Variants in TMEM135 observed in about 807,000 individuals in gnomAD.
TMEM135 encodes the protein peroxisomal membrane protein 52.
A neutral mutation model predicts 60.3 loss-of-function variants in TMEM135; 30 were observed. The observed-to-expected ratio is 0.50, with a 90% CI of 0.37 to 0.68. TMEM135 has a LOEUF of 0.68. Ranked by LOEUF, TMEM135 falls within the 30% of genes least tolerant of loss-of-function variation. The probability of loss-of-function intolerance (pLI) is 0.00; values close to 1 mark genes in which losing one functional copy is unlikely to be tolerated. For missense variants in TMEM135, 468 were observed against 548.8 expected (o/e 0.85, Z 1.47); for synonymous variants, 190 against 186.7 (o/e 1.02, Z -0.14).
Position 87,038,117 on chromosome 11 carries a change from G to C in TMEM135, c.72G>C (p.Arg24=). 6.2e-7 allele frequency: 1 copy of C among 1,614,126 alleles called. No homozygotes were observed. Among genetic ancestry groups the C allele is most frequent in the Non-Finnish European group, 8.5e-7 (1 of 1,180,018 alleles). ...GCCACACTTGGCACCCTTCCTGCCGGGTCTCCTTCCTGCAGATCACCGGGG... is the reference window on the plus strand; with the variant it reads ...GCCACACTTGGCACCCTTCCTGCCGCGTCTCCTTCCTGCAGATCACCGGGG... ...EIGHTWHPSC[R]VSFLQITGGA... The change falls in exon 1 of 15, where the codon CGG becomes CGC. Residue 24 remains arginine, a synonymous_variant. Coordinates refer to ENST00000305494, the MANE Select transcript of TMEM135 (RefSeq NM_022918.4).
intron 6 of TMEM135, chr11:87,258,992 C>T (rs745904882): frequency 2.4e-5 from 36 of 1,526,826 alleles, no homozygotes; most frequent in Non-Finnish European, 3.1e-5. Context: ...ACGGGAAGAA[C>T]CAGGATCATA....
chr11:87,161,625 A>G (rs1182572438), intron 5 of TMEM135, among the ~76,000 whole-genome samples: 1 of 152,180 alleles, frequency 6.6e-6, no homozygotes, highest in Non-Finnish European at 1.5e-5. Flanking sequence ...ATCAGCTGAT[A>G]CCATATATCT....
chr11:87,045,320 G>A (rs564933771), intron 1 of TMEM135, among the ~76,000 whole-genome samples: 11 of 152,154 alleles, frequency 7.2e-5, no homozygotes, highest in East Asian at 1.9e-4. Context: ...GTGAGCCACC[G>A]CACCCGGCTG....
intron 4 of TMEM135, among the ~76,000 whole-genome samples, chr11:87,104,724 A>C (rs1359555342): frequency 1.3e-5 from 2 of 151,830 alleles, no homozygotes; most frequent in Admixed American, 1.3e-4. Flanking sequence ...TGAATAGTTG[A>C]GTATTAGTGT....
chr11:87,060,130 A>C (rs192287452), intron 1 of TMEM135, among the ~76,000 whole-genome samples: 1 of 152,294 alleles, frequency 6.6e-6, no homozygotes, highest in East Asian at 1.9e-4. Flanking sequence ...AGAAAGAAAA[A>C]AAGTAAATCT....
chr11:87,162,030 T>G (rs912710942), intron 5 of TMEM135, among the ~76,000 whole-genome samples: 1 of 151,904 alleles, frequency 6.6e-6, no homozygotes, highest in Non-Finnish European at 1.5e-5. Context: ...TGAAAGAAAA[T>G]AAAAAACATG....
chr11:87,161,346 A>G (rs1034033055), intron 5 of TMEM135, among the ~76,000 whole-genome samples: 2 of 152,190 alleles, frequency 1.3e-5, no homozygotes, highest in Non-Finnish European at 2.9e-5. Flanking sequence ...TCTGACAGAA[A>G]GATGTAGTTC....
chr11:87,211,714 G>GAATA (rs1287608713), intron 5 of TMEM135, among the ~76,000 whole-genome samples: 2 of 152,148 alleles, frequency 1.3e-5, no homozygotes, highest in Non-Finnish European at 1.5e-5. Flanking sequence ...TCTTGGGACA[G>GAATA]AATAGCAGGA....
At position 87,324,204 on chromosome 11, in the gene TMEM135, G is replaced by A. The variant is rs1347715791; in HGVS notation, c.*2871G>A. 2.2e-6 allele frequency: 1 copy of A among 453,828 alleles called. No individual in the cohort carries two copies. The highest frequency in any genetic ancestry group is 2.0e-5 in the African/African-American group (1 of 49,944). 28.1% of individuals were successfully genotyped at this position (453,828 alleles called of 1,614,324 possible). A position where few individuals can be genotyped will look rare whatever the true frequency, so the allele number is the denominator to read the frequency against. ...CCTGCTTATATTTTATCATATCCCT[G>A]AGCTTCTGTGTGCTCTACATTTCAT... On this transcript the variant is annotated 3_prime_UTR_variant, in exon 15 of 15. Coordinates refer to ENST00000305494, the MANE Select transcript of TMEM135 (RefSeq NM_022918.4).
At chr11:87,315,169 C>T (rs1462116048) in intron 12 of TMEM135, among the ~76,000 whole-genome samples, 4 of 151,766 alleles carry the variant, frequency 2.6e-5, no homozygotes, top group Non-Finnish European at 4.4e-5. Flanking sequence ...TCCTCCTCCT[C>T]TTCCTTCTCC....
In TMEM135 at chr11:87,151,341, T is replaced by G. The variant is rs182346363; in HGVS notation, c.397-6000T>G. On this transcript the variant is annotated intron_variant, in intron 4 of 14. Transcript: ENST00000305494. ...TGCTGTTATAATTTCTTAGAGTCCTTCAGTTCTCTAAAGGGTTCCTTTTCT... is the reference window on the plus strand; with the variant it reads ...TGCTGTTATAATTTCTTAGAGTCCTGCAGTTCTCTAAAGGGTTCCTTTTCT... 1.3e-3 allele frequency among the ~76,000 whole-genome samples: 201 copies of G among 152,298 alleles called. 1 individual carries two copies. Among genetic ancestry groups the G allele is most frequent in the Non-Finnish European group, 2.5e-3 (169 of 68,016 alleles).
intron 4 of TMEM135, among the ~76,000 whole-genome samples, chr11:87,142,580 T>C (rs1938292880): frequency 6.6e-6 from 1 of 152,200 alleles, no homozygotes; most frequent in Non-Finnish European, 1.5e-5. Context: ...TGTTTGCTTT[T>C]AAGATTTTTT....
chr11:87,282,137 CT>C (rs1942072406), intron 6 of TMEM135, among the ~76,000 whole-genome samples: 1 of 152,066 alleles, frequency 6.6e-6, no homozygotes, highest in Admixed American at 6.6e-5. Context: ...AAGTGAAAAG[CT>C]TTTATGAAGG....
At chr11:87,084,383 C>T (rs1053688396) in intron 3 of TMEM135, among the ~76,000 whole-genome samples, 4 of 151,660 alleles carry the variant, frequency 2.6e-5, no homozygotes, top group African/African-American at 9.7e-5. Flanking sequence ...TCATAGCTCA[C>T]TGCAGCCTTG....
intron 5 of TMEM135, among the ~76,000 whole-genome samples, chr11:87,159,019 A>T (rs1222957198): frequency 6.6e-6 from 1 of 152,202 alleles, no homozygotes; most frequent in Non-Finnish European, 1.5e-5. Flanking sequence ...AGGGAAATGT[A>T]TGCAGCACAG....
At chr11:87,109,436 A>G (rs114169328) in intron 4 of TMEM135, among the ~76,000 whole-genome samples, 264 of 152,346 alleles carry the variant, frequency 1.7e-3, no homozygotes, top group African/African-American at 6.0e-3. Flanking sequence ...TGAATGTGGT[A>G]TCTCTGTGTC....
chr11:87,166,713 T>C (rs561983030), intron 5 of TMEM135, among the ~76,000 whole-genome samples: 2 of 151,602 alleles, frequency 1.3e-5, no homozygotes, highest in Non-Finnish European at 2.9e-5. Flanking sequence ...TGTGGCCTTG[T>C]AGTATAGTTT....
chr11:87,164,646 C>T lies in TMEM135; in HGVS notation c.462+7240C>T, dbSNP rs1259105513. 3.1e-5 allele frequency among the ~76,000 whole-genome samples: 3 copies of T among 97,992 alleles called. No homozygotes were observed. In the Admixed American group the frequency reaches 3.5e-4, roughly 11 times the overall value. The allele number at this position is 97,992 out of a possible 152,430, so 64.3% of individuals were successfully genotyped here. A position where few individuals can be genotyped will look rare whatever the true frequency, so the allele number is the denominator to read the frequency against. ...ACCTTGGGCAGTATGGCCGTTTTCA[C>T]GATATTGATTCTTCCTGCCCATGAG... On this transcript the variant is annotated intron_variant, in intron 5 of 14. Coordinates refer to ENST00000305494, the MANE Select transcript of TMEM135 (RefSeq NM_022918.4).
chr11:87,183,575 A>G (rs1939575434), intron 5 of TMEM135, among the ~76,000 whole-genome samples: 1 of 152,200 alleles, frequency 6.6e-6, no homozygotes, highest in Non-Finnish European at 1.5e-5. Context: ...ATTGTCTGAT[A>G]AAAGTAAGGT....
Sources: allele counts gnomAD v4.1 joint callset (sites outside exome capture counted in the v4.1 genomes callset), GRCh38; gene constraint gnomAD v4.1.1; transcripts MANE v1.5; gene names NCBI Gene and HGNC (gene_info 2026-07-23, HGNC 2026-07-21).